Variants in AFF3 observed in about 807,000 individuals in gnomAD.
AFF3 encodes the protein ALF transcription elongation factor 3.
Under a neutral mutation model 129.7 loss-of-function variants are expected in AFF3, and 32 were observed. The ratio of observed to expected loss-of-function variants is 0.25; its 90% CI spans 0.19 to 0.33. The LOEUF (loss-of-function observed/expected upper bound fraction) is 0.33. AFF3 is among the 10% of genes least tolerant of loss of function. The probability of loss-of-function intolerance (pLI) is 1.00; values close to 1 mark genes in which losing one functional copy is unlikely to be tolerated. For missense variants in AFF3, 1,373 were observed against 1,592.0 expected (o/e 0.86, Z 2.34); for synonymous variants, 644 against 635.4 (o/e 1.01, Z -0.20).
intron 7 of AFF3, among the ~76,000 whole-genome samples, chr2:99,867,090 G>T (rs1312422035): frequency 1.3e-5 from 2 of 151,622 alleles, no homozygotes; most frequent in African/African-American, 4.8e-5. Flanking sequence ...ACAAGAAAGG[G>T]GATTCTATGA....
At chr2:100,077,056 C>G (rs1688639159) in intron 4 of AFF3, among the ~76,000 whole-genome samples, 1 of 152,118 alleles carries the variant, frequency 6.6e-6, no homozygotes, top group Non-Finnish European at 1.5e-5. Flanking sequence ...GGAGACCAGC[C>G]TGGCGAACAC....
At chr2:99,804,862 A>G (rs1422532996) in intron 8 of AFF3, among the ~76,000 whole-genome samples, 2 of 152,186 alleles carry the variant, frequency 1.3e-5, no homozygotes, top group African/African-American at 4.8e-5. Context: ...ATTCTCATTT[A>G]GAAGTGGAGG....
chr2:99,771,999 G>A (rs1398305642), intron 8 of AFF3, among the ~76,000 whole-genome samples: 1 of 152,180 alleles, frequency 6.6e-6, no homozygotes, highest in Non-Finnish European at 1.5e-5. Flanking sequence ...GCTTCGGCAG[G>A]ATTTCTTAAG....
chr2:99,572,585 G>A (rs1348227749), intron 18 of AFF3: 1 of 455,594 alleles, frequency 2.2e-6, no homozygotes, highest in Admixed American at 2.4e-5. Context: ...GGCAGAAATT[G>A]GATGATTTTC....
chr2:99,906,338 A>C (rs545776152), intron 7 of AFF3, among the ~76,000 whole-genome samples: 1 of 152,302 alleles, frequency 6.6e-6, no homozygotes, highest in East Asian at 1.9e-4. Context: ...GATGTGGCAG[A>C]GCTGGGCTTC....
Position 99,571,880 on chromosome 2 carries a change from A to C in AFF3, c.2919-2965T>G, listed in dbSNP as rs140804350. On this transcript the variant is annotated intron_variant, in intron 18 of 24. Transcript: ENST00000672756. ...GACAGCAATACACAAGTCAGTAGGA[A>C]AAGTAAAATTGCTTGTCACCATTGT... is the stretch of plus-strand genomic sequence containing the variant. 3.5e-4 allele frequency among the ~76,000 whole-genome samples: 53 copies of C among 152,342 alleles called. No individual in the cohort carries two copies. In the East Asian group the frequency reaches 9.6e-3, roughly 28 times the overall value.
chr2:99,926,261 C>G (rs952757210), intron 7 of AFF3, among the ~76,000 whole-genome samples: 5 of 152,174 alleles, frequency 3.3e-5, no homozygotes, highest in African/African-American at 1.2e-4. Context: ...AGGGGTGCAA[C>G]AGCACAAAAG....
intron 8 of AFF3, among the ~76,000 whole-genome samples, chr2:99,786,644 T>C (rs1452743281): frequency 1.3e-5 from 2 of 152,100 alleles, no homozygotes; most frequent in African/African-American, 4.8e-5. Flanking sequence ...TGAAAAACAT[T>C]TGTGGGTTTT....
chr2:100,017,526 CTTTT>C (rs1234281334), intron 4 of AFF3, among the ~76,000 whole-genome samples: 2 of 152,188 alleles, frequency 1.3e-5, no homozygotes, highest in African/African-American at 2.4e-5. Context: ...TGTACTCTAT[CTTTT>C]GAGAAACTAT....
rs1036133464 is a variant in AFF3 at position 99,558,914 on chromosome 2, G to C, written c.3246C>G (p.His1082Gln). 1 of 1,614,018 alleles carries C rather than the reference G, an allele frequency of 6.2e-7. No homozygotes were observed. Among genetic ancestry groups the C allele is most frequent in the Non-Finnish European group, 8.5e-7 (1 of 1,180,004 alleles). ...YWRMFRLKRD[H>Q]AVKYSKALID... ...TTAGTGCTTTTGAATACTTTACAGC[G>C]TGGTCCCTTTTGAGTCGAAACATCC... Residue 1082 changes from histidine to glutamine, a missense_variant, in exon 22 of 25, where the codon CAC becomes CAG. Physicochemically the swap from His to Gln is conservative, Grantham distance 24 (BLOSUM62 0). Transcript: ENST00000672756.
At chr2:99,924,410 C>G (rs953474588) in intron 7 of AFF3, among the ~76,000 whole-genome samples, 1 of 152,176 alleles carries the variant, frequency 6.6e-6, no homozygotes, top group Non-Finnish European at 1.5e-5. Context: ...ACCCATATTA[C>G]GATTAGCATC....
chr2:100,057,193 C>T (rs1254632072), intron 4 of AFF3, among the ~76,000 whole-genome samples: 1 of 151,852 alleles, frequency 6.6e-6, no homozygotes, highest in Non-Finnish European at 1.5e-5. Context: ...TGGTGGCGGG[C>T]GCCTGTAATC....
At chr2:99,618,885 C>T (rs1432564632) in intron 13 of AFF3, among the ~76,000 whole-genome samples, 2 of 135,850 alleles carry the variant, frequency 1.5e-5, no homozygotes, top group Non-Finnish European at 3.2e-5. Flanking sequence ...CTACAGATAG[C>T]TCTGATCGAT....
intron 8 of AFF3, among the ~76,000 whole-genome samples, chr2:99,752,587 C>T (rs900189984): frequency 3.3e-5 from 5 of 152,120 alleles, no homozygotes; most frequent in Non-Finnish European, 1.5e-5. Flanking sequence ...AGTAAAGGGA[C>T]AATCTAGTAG....
At chr2:99,991,479 T>G (rs1257213014) in intron 7 of AFF3, among the ~76,000 whole-genome samples, 3 of 152,196 alleles carry the variant, frequency 2.0e-5, no homozygotes, top group Admixed American at 1.3e-4. Flanking sequence ...AAGTGTCTCC[T>G]CTCTGTTGCC....
chr2:99,614,180 T>C (rs939074538), intron 13 of AFF3, among the ~76,000 whole-genome samples: 2 of 152,158 alleles, frequency 1.3e-5, no homozygotes, highest in African/African-American at 2.4e-5. Context: ...AGAAGACTTA[T>C]GCACCACTGT....
chr2:99,704,819 C>T (rs1446416070), intron 11 of AFF3, among the ~76,000 whole-genome samples: 1 of 152,098 alleles, frequency 6.6e-6, no homozygotes, highest in Non-Finnish European at 1.5e-5. Flanking sequence ...CTTACAGGAA[C>T]AAGAATATAA....
intron 8 of AFF3, among the ~76,000 whole-genome samples, chr2:99,816,062 C>A (rs1687209792): frequency 6.8e-6 from 1 of 147,222 alleles, no homozygotes; most frequent in Non-Finnish European, 1.5e-5. Context: ...TTTTAAATCT[C>A]ATTGCATTTC....
chr2:99,863,170 C>T (rs1393154583), intron 7 of AFF3, among the ~76,000 whole-genome samples: 6 of 152,200 alleles, frequency 3.9e-5, no homozygotes, highest in Admixed American at 3.3e-4. Context: ...AGAAGAAAAG[C>T]GTAAGCTTTT....
Sources: allele counts gnomAD v4.1 joint callset (sites outside exome capture counted in the v4.1 genomes callset), GRCh38; gene constraint gnomAD v4.1.1; transcripts MANE v1.5; gene names NCBI Gene and HGNC (gene_info 2026-07-23, HGNC 2026-07-21).